CDC42BPA: variants seen among roughly 807,000 people sequenced by gnomAD.
The protein encoded by CDC42BPA is serine/threonine-protein kinase MRCK alpha.
Under a neutral mutation model 223.5 loss-of-function variants are expected in CDC42BPA, and 80 were observed. That is an observed-to-expected ratio of 0.36 (90% CI 0.30 to 0.43). CDC42BPA has a LOEUF of 0.43. Ranked by LOEUF, CDC42BPA falls within the 20% of genes least tolerant of loss-of-function variation. The pLI, the probability that CDC42BPA is intolerant of heterozygous loss-of-function variation, is 1.00. For missense variants in CDC42BPA, 1,743 were observed against 2,099.9 expected (o/e 0.83, Z 3.32); for synonymous variants, 694 against 718.6 (o/e 0.97, Z 0.55).
chr1:227,192,771 T>C (rs7553315), intron 5 of CDC42BPA, among the ~76,000 whole-genome samples: 128,065 of 152,048 alleles, frequency 0.84, 54,220 homozygotes, highest in Middle Eastern at 0.91. Flanking sequence ...TAATAGTTTA[T>C]AATTACTCCA....
Position 227,269,260 on chromosome 1 carries a change from T to C in CDC42BPA, c.179-15105A>G, listed in dbSNP as rs535120722. Among the ~76,000 whole-genome samples the C allele has an allele frequency of 7.4e-4, 112 of 152,270 alleles. 1 individual carries two copies. Among genetic ancestry groups the C allele is most frequent in the African/African-American group, 2.4e-3 (98 of 41,562 alleles). On this transcript the variant is annotated intron_variant, in intron 1 of 36. Coordinates refer to ENST00000366766, the MANE Select transcript of CDC42BPA (RefSeq NM_001394014.1). ...GTCAGTCTGCTGACCCCTGAACCAA[T>C]AGAACAATGAAGCAGAAATGGGCTC...
chr1:227,077,375 C>G (rs912520304), intron 17 of CDC42BPA, among the ~76,000 whole-genome samples: 2 of 152,174 alleles, frequency 1.3e-5, no homozygotes, highest in Non-Finnish European at 2.9e-5. Flanking sequence ...GAAGCTATTA[C>G]TATACACAAA....
intron 1 of CDC42BPA, among the ~76,000 whole-genome samples, chr1:227,294,989 T>C (rs1690416079): frequency 1.3e-5 from 2 of 151,106 alleles, no homozygotes; most frequent in South Asian, 2.1e-4. Context: ...ACTAAGTATG[T>C]ATATAAAAAA....
At chr1:227,063,852 C>T (rs141072587) in intron 21 of CDC42BPA, among the ~76,000 whole-genome samples, 216 of 152,196 alleles carry the variant, frequency 1.4e-3, no homozygotes, top group African/African-American at 4.0e-3. Flanking sequence ...GTAAAAGCCT[C>T]GGATTTCTGT....
intron 16 of CDC42BPA, among the ~76,000 whole-genome samples, chr1:227,085,109 G>A (rs997854134): frequency 1.1e-4 from 17 of 151,970 alleles, no homozygotes; most frequent in African/African-American, 3.6e-4. Flanking sequence ...TGCAGATCTC[G>A]GGACTTGTCA....
chr1:227,201,862 C>T (rs771424240), intron 3 of CDC42BPA, among the ~76,000 whole-genome samples: 3 of 151,656 alleles, frequency 2.0e-5, no homozygotes, highest in Non-Finnish European at 2.9e-5. Flanking sequence ...AATGGCTACA[C>T]CATATTCCAG....
At chr1:227,264,508 C>T (rs1684645012) in intron 1 of CDC42BPA, among the ~76,000 whole-genome samples, 1 of 150,842 alleles carries the variant, frequency 6.6e-6, no homozygotes, top group South Asian at 2.1e-4. Context: ...CTACAATATC[C>T]TTTGAGGTTT....
At position 227,011,327 on chromosome 1, in the gene CDC42BPA, C is replaced by T. The variant is rs1420363203; in HGVS notation, c.4857+4753G>A. On this transcript the variant is annotated intron_variant, in intron 34 of 36. Coordinates refer to ENST00000366766, the MANE Select transcript of CDC42BPA (RefSeq NM_001394014.1). Reference sequence around the variant, plus strand: ...AGGAGAAATTGGACTTTCAGAGATACAAGACTTTCAGAGTTTAGTTCAGTA... The same window carrying T: ...AGGAGAAATTGGACTTTCAGAGATATAAGACTTTCAGAGTTTAGTTCAGTA... Among the ~76,000 whole-genome samples the T allele has an allele frequency of 3.9e-5, 6 of 152,178 alleles. No homozygotes were observed. The East Asian group carries it at 5.8e-4, about 15-fold the overall frequency.
At chr1:227,004,822 A>C in intron 35 of CDC42BPA, 172 bp downstream of exon 35, 1 of 731,670 alleles carries the variant, frequency 1.4e-6, no homozygotes, top group South Asian at 1.5e-5. Flanking sequence ...TATTTTCTTA[A>C]CAACTGCATT....
At chr1:227,198,438 C>CAAAAAAAAAAAAAAAAAA (rs1176604134) in intron 4 of CDC42BPA, among the ~76,000 whole-genome samples, 2 of 51,534 alleles carry the variant, frequency 3.9e-5, no homozygotes, top group Admixed American at 4.9e-4. Context: ...ATCCAGCAAA[C>CAAAAAAAAAAAAAAAAAA]AAAAAAAAAA....
At chr1:227,023,639 C>T (rs1024583164) in intron 31 of CDC42BPA, among the ~76,000 whole-genome samples, 1 of 152,130 alleles carries the variant, frequency 6.6e-6, no homozygotes, top group Non-Finnish European at 1.5e-5. Context: ...AATGACCCAA[C>T]AGTTATACTA....
chr1:227,108,847 A>T (rs560866035), intron 14 of CDC42BPA, among the ~76,000 whole-genome samples: 88 of 152,250 alleles, frequency 5.8e-4, no homozygotes, highest in Middle Eastern at 3.4e-3. Context: ...GTACTTCCAC[A>T]AACCTAGATG....
chr1:227,035,471 C>G lies in CDC42BPA; in HGVS notation c.3336G>C (p.Arg1112Ser). ...GIGTAYEGHVRIPKPAGVKKG... is the reference protein window; with the variant it reads ...GIGTAYEGHVSIPKPAGVKKG... ...CTAAACCCAACTTAATCATACTTAC[C>G]CTGACATGACCTTCATATGCTGTTC... Residue 1112 changes from arginine (R) to serine (S), a missense_variant and splice_region_variant, in exon 25 of 37, where the codon AGG (arginine) becomes AGC (serine). By Grantham distance (110) the Arg-to-Ser change is moderately radical (BLOSUM62 -1). Around this residue, in one of 6 missense-constraint regions of CDC42BPA, gnomAD observed 678 missense variants for 777.5 expected, o/e 0.87. Transcript: ENST00000366766. 6.2e-7 allele frequency: 1 copy of G among 1,603,666 alleles called. No individual in the cohort carries two copies. Among genetic ancestry groups the G allele is most frequent in the South Asian group, 1.1e-5 (1 of 88,238 alleles).
intron 17 of CDC42BPA, among the ~76,000 whole-genome samples, chr1:227,077,187 T>A (rs1679669154): frequency 6.6e-6 from 1 of 152,232 alleles, no homozygotes. Flanking sequence ...TGGTTTCAAA[T>A]CCTAGCTCTG....
At position 227,101,106 on chromosome 1, in the gene CDC42BPA, G is replaced by T. The variant is rs755353652; in HGVS notation, c.2135C>A (p.Ala712Glu). ...EELSKREGIH[A>E]NEIKNLKKEL... is the part of the protein sequence containing the mutation. ...TTTCTTAAGATTTTTTATTTCATTTGCATGTATTCCTTCTCTTTTAGATAA... is the reference window on the plus strand; with the variant it reads ...TTTCTTAAGATTTTTTATTTCATTTTCATGTATTCCTTCTCTTTTAGATAA... Residue 712 changes from alanine (A) to glutamate (E), a missense_variant, in exon 15 of 37, where the codon GCA (alanine) becomes GAA (glutamate). Ala to Glu is a moderately radical substitution (Grantham distance 107). This residue lies in a region of CDC42BPA where 464 missense variants were observed against 488.0 expected (regional missense o/e 0.95). Transcript: ENST00000366766. 1 of 1,573,542 alleles carries T rather than the reference G, an allele frequency of 6.4e-7. No individual in the cohort carries two copies. Among genetic ancestry groups the T allele is most frequent in the Non-Finnish European group, 8.7e-7 (1 of 1,143,972 alleles).
chr1:227,242,756 C>A (rs1041824333), intron 2 of CDC42BPA, among the ~76,000 whole-genome samples: 1 of 152,042 alleles, frequency 6.6e-6, no homozygotes. Context: ...AAGACATCTA[C>A]ATTGAAAAAT....
At chr1:227,285,492 C>G (rs1194159642) in intron 1 of CDC42BPA, among the ~76,000 whole-genome samples, 2 of 152,168 alleles carry the variant, frequency 1.3e-5, no homozygotes, top group African/African-American at 2.4e-5. Flanking sequence ...ATAACAGACC[C>G]AAATTCCATC....
At chr1:227,193,127 G>A (rs886702046) in intron 5 of CDC42BPA, among the ~76,000 whole-genome samples, 8 of 143,658 alleles carry the variant, frequency 5.6e-5, no homozygotes, top group African/African-American at 2.1e-4. Context: ...GGAGTGCAGT[G>A]GCGGGATCTC....
intron 17 of CDC42BPA, 95 bp downstream of exon 17, chr1:227,080,798 A>G: frequency 7.5e-7 from 1 of 1,334,110 alleles, no homozygotes; most frequent in Non-Finnish European, 1.1e-6. Flanking sequence ...CTGACAAATG[A>G]GATAAAAACC....
Sources: gnomAD v4.1 joint callset for allele counts (sites outside exome capture counted in the v4.1 genomes callset) on GRCh38, gnomAD v4.1.1 for gene constraint, gnomAD v4.1.1 regional missense constraint, MANE v1.5 for transcripts, NCBI Gene and HGNC (gene_info 2026-07-23, HGNC 2026-07-21) for gene names.